The following AGTR1 variants were observed in gnomAD, a reference collection of about 807,000 sequenced individuals.
The protein encoded by AGTR1 is type-1 angiotensin II receptor.
Under a neutral mutation model 19.4 loss-of-function variants are expected in AGTR1, and 16 were observed. The ratio of observed to expected loss-of-function variants is 0.82; its 90% CI spans 0.56 to 1.25. The LOEUF (loss-of-function observed/expected upper bound fraction) is 1.25. AGTR1 is among the 50% of genes most tolerant of loss of function. The pLI is 0.00. For missense variants in AGTR1, 373 were observed against 431.9 expected (o/e 0.86, Z 1.21); for synonymous variants, 153 against 154.9 (o/e 0.99, Z 0.09).
intron 2 of AGTR1, among the ~76,000 whole-genome samples, chr3:148,714,651 T>A (rs1713185895): frequency 1.3e-5 from 2 of 152,276 alleles, no homozygotes; most frequent in Non-Finnish European, 1.5e-5. Context: ...TGAAGTGTAG[T>A]GAAATGTTCC....
chr3:148,735,603 G>C (rs1004289229), intron 2 of AGTR1, among the ~76,000 whole-genome samples: 1 of 152,140 alleles, frequency 6.6e-6, no homozygotes, highest in Admixed American at 6.6e-5. Flanking sequence ...AAAAGAAGAA[G>C]TAGACTTCGT....
chr3:148,735,762 G>C (rs1443337116), intron 2 of AGTR1, among the ~76,000 whole-genome samples: 4 of 152,196 alleles, frequency 2.6e-5, no homozygotes, highest in Non-Finnish European at 4.4e-5. Flanking sequence ...TTACTTGGCA[G>C]AGAGAGGTGG....
chr3:148,725,148 G>T (rs1488512667), intron 2 of AGTR1, among the ~76,000 whole-genome samples: 1 of 152,100 alleles, frequency 6.6e-6, no homozygotes, highest in Non-Finnish European at 1.5e-5. Context: ...AATACTAGGG[G>T]AGCTGTAGGC....
chr3:148,722,685 G>A (rs543214447), intron 2 of AGTR1, among the ~76,000 whole-genome samples: 9 of 152,156 alleles, frequency 5.9e-5, no homozygotes, highest in South Asian at 4.2e-4. Flanking sequence ...CAAGCCATCC[G>A]CAGTCATCAA....
chr3:148,730,979 A>G (rs1170044262), intron 2 of AGTR1, among the ~76,000 whole-genome samples: 4 of 152,218 alleles, frequency 2.6e-5, no homozygotes, highest in Non-Finnish European at 4.4e-5. Context: ...GGAAGCATAC[A>G]TTATACCCTG....
chr3:148,716,609 T>TA lies in AGTR1; in HGVS notation c.-48+8590dup, dbSNP rs1318402120. Among the ~76,000 whole-genome samples the TA allele has an allele frequency of 2.0e-5, 3 of 151,948 alleles. No individual in the cohort carries two copies. The highest frequency in any genetic ancestry group is 2.9e-5 in the Non-Finnish European group (2 of 67,976). ...TAAACAAGAAGTTTTCATTCCTAAT[T>TA]AAAAAAAATAAGCTAGTTCATCACA... On this transcript the variant is annotated intron_variant, in intron 2 of 2. Transcript: ENST00000349243. The surrounding 1 kb of genome is among the most constrained non-coding windows in gnomAD (Gnocchi z 4.7).
At chr3:148,712,292 T>C (rs1713031888) in intron 2 of AGTR1, among the ~76,000 whole-genome samples, 1 of 152,142 alleles carries the variant, frequency 6.6e-6, no homozygotes, top group Non-Finnish European at 1.5e-5. Context: ...TGGAAAATAA[T>C]TATTTATCTG....
intron 1 of AGTR1, among the ~76,000 whole-genome samples, chr3:148,702,454 G>C (rs771745861): frequency 2.6e-5 from 4 of 152,210 alleles, no homozygotes; most frequent in African/African-American, 4.8e-5. Context: ...GTGGATCTGA[G>C]TGATATTAGG....
intron 2 of AGTR1, among the ~76,000 whole-genome samples, chr3:148,718,594 C>T (rs1240251545): frequency 6.6e-6 from 1 of 152,188 alleles, no homozygotes; most frequent in East Asian, 1.9e-4. Context: ...TAACTTTAAC[C>T]AGGCAAGCTC....
At chr3:148,703,382 A>C (rs1712467525) in intron 1 of AGTR1, among the ~76,000 whole-genome samples, 1 of 152,212 alleles carries the variant, frequency 6.6e-6, no homozygotes, top group Non-Finnish European at 1.5e-5. Flanking sequence ...GGTGATTCAA[A>C]TGCACATTAA....
intron 2 of AGTR1, among the ~76,000 whole-genome samples, chr3:148,725,900 GCTGAATATATATCTCTTGGT>G (rs1036681091): frequency 2.6e-5 from 4 of 152,094 alleles, no homozygotes; most frequent in Non-Finnish European, 5.9e-5. Context: ...GATTCTAGGT[GCTGAATATATATCTCTTGGT>G]CTATAAATTA....
At chr3:148,718,723 A>G (rs1713435781) in intron 2 of AGTR1, among the ~76,000 whole-genome samples, 1 of 152,212 alleles carries the variant, frequency 6.6e-6, no homozygotes, top group Admixed American at 6.5e-5. Flanking sequence ...AGCCCTCATA[A>G]AAGTAGTAAA....
At chr3:148,699,870 G>C (rs1184674782) in intron 1 of AGTR1, among the ~76,000 whole-genome samples, 2 of 152,068 alleles carry the variant, frequency 1.3e-5, no homozygotes, top group Non-Finnish European at 2.9e-5. Flanking sequence ...TTCTGGTTCT[G>C]CTCTTCTTTG....
intron 2 of AGTR1, among the ~76,000 whole-genome samples, chr3:148,739,640 G>A (rs1714762886): frequency 6.6e-6 from 1 of 152,186 alleles, no homozygotes; most frequent in Admixed American, 6.5e-5. Flanking sequence ...CATGTGTTAT[G>A]TCTTAAAAGC....
intron 2 of AGTR1, among the ~76,000 whole-genome samples, chr3:148,736,682 G>A (rs1372672224): frequency 6.6e-6 from 1 of 152,104 alleles, no homozygotes; most frequent in African/African-American, 2.4e-5. Flanking sequence ...GACTTACCCA[G>A]AGCCACACAG....
chr3:148,702,266 C>T (rs975167811), intron 1 of AGTR1, among the ~76,000 whole-genome samples: 9 of 152,096 alleles, frequency 5.9e-5, no homozygotes, highest in African/African-American at 2.2e-4. Flanking sequence ...CATGAGCCAC[C>T]TCACCTGGCC....
chr3:148,741,866 A>G lies in AGTR1; in HGVS notation c.831A>G (p.Ala277=). 1 of 1,614,132 alleles carries G rather than the reference A, an allele frequency of 6.2e-7. No individual in the cohort carries two copies. The highest frequency in any genetic ancestry group is 8.5e-7 in the Non-Finnish European group (1 of 1,180,022). ...QLGIIRDCRI[A]DIVDTAMPIT... Reference sequence around the variant, plus strand: ...GCATCATACGTGACTGTAGAATTGCAGATATTGTGGACACGGCCATGCCTA... The same window carrying G: ...GCATCATACGTGACTGTAGAATTGCGGATATTGTGGACACGGCCATGCCTA... Residue 277 remains alanine, a synonymous_variant, in exon 3 of 3, where the codon GCA becomes GCG. Transcript: ENST00000349243.
At chr3:148,735,499 G>T (rs1454802297) in intron 2 of AGTR1, among the ~76,000 whole-genome samples, 1 of 152,086 alleles carries the variant, frequency 6.6e-6, no homozygotes, top group African/African-American at 2.4e-5. Context: ...GTCCACAAGT[G>T]CAATAAATAT....
chr3:148,716,103 G>A lies in AGTR1; in HGVS notation c.-48+8076G>A, dbSNP rs1171155977. ...CTGAATTGTGTTCAGAGATCCACAGGTCTAAGCAACATTAGGGAAGGGGTA... is the reference window on the plus strand; with the variant it reads ...CTGAATTGTGTTCAGAGATCCACAGATCTAAGCAACATTAGGGAAGGGGTA... On this transcript the variant is annotated intron_variant, in intron 2 of 2. Transcript: ENST00000349243. The surrounding 1 kb of genome is among the most constrained non-coding windows in gnomAD (Gnocchi z 4.7). 6.6e-6 allele frequency among the ~76,000 whole-genome samples: 1 copy of A among 152,152 alleles called. No homozygotes were observed. The highest frequency in any genetic ancestry group is 1.5e-5 in the Non-Finnish European group (1 of 68,024).
Sources: allele counts gnomAD v4.1 joint callset (sites outside exome capture counted in the v4.1 genomes callset), GRCh38; gene constraint gnomAD v4.1.1; non-coding constraint Gnocchi (gnomAD v3.1); transcripts MANE v1.5; gene names NCBI Gene and HGNC (gene_info 2026-07-23, HGNC 2026-07-21).